THRB: variants seen among roughly 807,000 people sequenced by gnomAD.
The protein encoded by THRB is nuclear receptor subfamily 1 group A member 2.
In THRB, 12 loss-of-function variants were observed where a neutral mutation model predicts 47.8. The ratio of observed to expected loss-of-function variants is 0.25; its 90% confidence interval spans 0.16 to 0.41. The LOEUF (loss-of-function observed/expected upper bound fraction) is 0.41. Ranked by LOEUF, THRB falls within the 10% of genes least tolerant of loss-of-function variation. The probability of loss-of-function intolerance (pLI) is 1.00; values close to 1 mark genes in which losing one functional copy is unlikely to be tolerated. For missense variants in THRB, 348 were observed against 589.2 expected (o/e 0.59, Z 4.24); for synonymous variants, 218 against 212.2 (o/e 1.03, Z -0.24).
chr3:24,449,111 T>C lies in THRB; in HGVS notation c.-261+45541A>G, dbSNP rs2072390498. Reference sequence around the variant, plus strand: ...TAGAGGGTGATTTAAAGTTGGCCAATGAAAGACAAAGTATGAAAGGGAAAA... The same window carrying C: ...TAGAGGGTGATTTAAAGTTGGCCAACGAAAGACAAAGTATGAAAGGGAAAA... On this transcript the variant is annotated intron_variant, in intron 1 of 10. Transcript: ENST00000646209. Among the ~76,000 whole-genome samples, 3 of 152,072 alleles carry C rather than the reference T, an allele frequency of 2.0e-5. No individual in the cohort carries two copies. The South Asian group carries it at 6.2e-4, about 32-fold the overall frequency.
At chr3:24,295,202 T>C (rs1330406885) in intron 3 of THRB, among the ~76,000 whole-genome samples, 2 of 152,176 alleles carry the variant, frequency 1.3e-5, no homozygotes, top group South Asian at 2.1e-4. Flanking sequence ...TAGCTCAAGA[T>C]AGAAATATGA....
intron 1 of THRB, among the ~76,000 whole-genome samples, chr3:24,400,049 G>A (rs1185086693): frequency 1.3e-5 from 2 of 152,124 alleles, no homozygotes. Context: ...GACACCAAAT[G>A]ACGGCTTCAA....
intron 8 of THRB, among the ~76,000 whole-genome samples, chr3:24,135,085 AG>A: frequency 6.6e-6 from 1 of 152,312 alleles, no homozygotes; most frequent in East Asian, 1.9e-4. Flanking sequence ...ACAAGTTCCC[AG>A]GGTGTGCTGA....
At chr3:24,139,326 A>T (rs181225021) in intron 8 of THRB, among the ~76,000 whole-genome samples, 1 of 152,246 alleles carries the variant, frequency 6.6e-6, no homozygotes, top group African/African-American at 2.4e-5. Context: ...ATATAGATTT[A>T]AAATCCAGAT....
At chr3:24,272,220 C>T (rs978310268) in intron 3 of THRB, among the ~76,000 whole-genome samples, 3 of 152,046 alleles carry the variant, frequency 2.0e-5, no homozygotes, top group Admixed American at 6.6e-5. Flanking sequence ...GTGGCCCGCA[C>T]TTGTGGTCTC....
intron 5 of THRB, among the ~76,000 whole-genome samples, chr3:24,179,823 A>T (rs1353333757): frequency 6.6e-6 from 1 of 152,250 alleles, no homozygotes; most frequent in Non-Finnish European, 1.5e-5. Flanking sequence ...TCCTGATATC[A>T]AAAAGTCTTA....
intron 3 of THRB, among the ~76,000 whole-genome samples, chr3:24,250,382 G>T (rs371838417): frequency 3.0e-4 from 46 of 152,250 alleles, no homozygotes; most frequent in African/African-American, 1.0e-3. Flanking sequence ...CATACATTAT[G>T]CTCCAAGTAA....
At chr3:24,194,566 T>C (rs1271118720) in intron 4 of THRB, among the ~76,000 whole-genome samples, 1 of 152,202 alleles carries the variant, frequency 6.6e-6, no homozygotes, top group Admixed American at 6.5e-5. Context: ...GTGAACTGCA[T>C]TGGCTTGTGT....
intron 3 of THRB, among the ~76,000 whole-genome samples, chr3:24,257,193 C>G (rs1049497610): frequency 6.6e-6 from 1 of 151,836 alleles, no homozygotes; most frequent in African/African-American, 2.4e-5. Context: ...GCCCTTTAAG[C>G]TTATTAAGGT....
chr3:24,424,947 C>T (rs182396227), intron 1 of THRB, among the ~76,000 whole-genome samples: 27 of 151,876 alleles, frequency 1.8e-4, no homozygotes, highest in Admixed American at 7.9e-4. Flanking sequence ...CTTTTACATG[C>T]TACTATTTAA....
chr3:24,135,367 T>A (rs563859915), intron 8 of THRB, among the ~76,000 whole-genome samples: 17 of 152,306 alleles, frequency 1.1e-4, no homozygotes, highest in African/African-American at 4.1e-4. Flanking sequence ...GCTGGCAGCA[T>A]TTAACTTTTT....
chr3:24,417,435 C>A (rs192887317), intron 1 of THRB, among the ~76,000 whole-genome samples: 26 of 151,920 alleles, frequency 1.7e-4, no homozygotes, highest in Non-Finnish European at 2.9e-5. Flanking sequence ...AAACAGTTTC[C>A]AACTACTGTG....
intron 8 of THRB, among the ~76,000 whole-genome samples, chr3:24,142,620 AG>A (rs1423152654): frequency 1.3e-5 from 2 of 152,242 alleles, no homozygotes; most frequent in Non-Finnish European, 2.9e-5. Context: ...GTACTTGAAA[AG>A]GGTTTTATAT....
At chr3:24,473,927 G>A (rs1222570403) in intron 1 of THRB, among the ~76,000 whole-genome samples, 2 of 152,118 alleles carry the variant, frequency 1.3e-5, no homozygotes, top group Admixed American at 1.3e-4. Flanking sequence ...CACAGGGAGG[G>A]GAACATCATA....
chr3:24,333,560 TAAAC>T (rs2149394865), intron 2 of THRB, among the ~76,000 whole-genome samples: 1 of 152,380 alleles, frequency 6.6e-6, no homozygotes, highest in South Asian at 2.1e-4. Flanking sequence ...TCATGCACAT[TAAAC>T]TAAACTGGTT....
chr3:24,179,883 G>C (rs1254038812), intron 5 of THRB, among the ~76,000 whole-genome samples: 1 of 152,054 alleles, frequency 6.6e-6, no homozygotes, highest in Non-Finnish European at 1.5e-5. Context: ...GAACAAATAA[G>C]ACTCAAGCAT....
At chr3:24,219,516 C>T (rs1370954844) in intron 4 of THRB, among the ~76,000 whole-genome samples, 1 of 152,176 alleles carries the variant, frequency 6.6e-6, no homozygotes, top group Non-Finnish European at 1.5e-5. Flanking sequence ...TGGTCAAATG[C>T]ATGGTTTCAG....
intron 1 of THRB, among the ~76,000 whole-genome samples, chr3:24,435,742 T>C (rs1343801742): frequency 1.3e-5 from 2 of 151,898 alleles, no homozygotes; most frequent in Non-Finnish European, 2.9e-5. Context: ...AAAGGCAAGA[T>C]AGGAAACAAT....
At chr3:24,280,540 C>A (rs1180022711) in intron 3 of THRB, among the ~76,000 whole-genome samples, 1 of 152,208 alleles carries the variant, frequency 6.6e-6, no homozygotes, top group Non-Finnish European at 1.5e-5. Flanking sequence ...CTCTCCTCCT[C>A]CAAAGGAATG....
Sources: allele counts gnomAD v4.1 joint callset (sites outside exome capture counted in the v4.1 genomes callset), GRCh38; gene constraint gnomAD v4.1.1; transcripts MANE v1.5; gene names NCBI Gene and HGNC (gene_info 2026-07-23, HGNC 2026-07-21).